Variants in FSTL5 observed in about 807,000 individuals in gnomAD.
FSTL5 encodes the protein follistatin-related protein 5.
Under a neutral mutation model 89.1 loss-of-function variants are expected in FSTL5, and 62 were observed. That is an observed-to-expected ratio of 0.70 (90% CI 0.57 to 0.86). The LOEUF (loss-of-function observed/expected upper bound fraction) is 0.86, where lower values mean the gene tolerates loss of function less well. FSTL5 is among the 40% of genes least tolerant of loss of function. The pLI, the probability that FSTL5 is intolerant of heterozygous loss-of-function variation, is 0.00. For synonymous variants in FSTL5, 383 were observed against 346.2 expected (o/e 1.11, Z -1.18); for missense variants, 1,057 against 1,001.6 (o/e 1.06, Z -0.75).
At chr4:161,478,357 ATATTT>A (rs1426016427) in intron 13 of FSTL5, among the ~76,000 whole-genome samples, 1 of 152,162 alleles carries the variant, frequency 6.6e-6, no homozygotes, top group Non-Finnish European at 1.5e-5. Flanking sequence ...TTTGTTCATA[ATATTT>A]TAATCAACCA....
At chr4:162,145,328 T>C (rs1019861111) in intron 1 of FSTL5, among the ~76,000 whole-genome samples, 5 of 152,094 alleles carry the variant, frequency 3.3e-5, no homozygotes, top group African/African-American at 1.2e-4. Context: ...ATGTTACTGA[T>C]AGGTATGATA....
intron 15 of FSTL5, among the ~76,000 whole-genome samples, chr4:161,437,309 G>A (rs1037250362): frequency 3.9e-5 from 6 of 152,086 alleles, no homozygotes; most frequent in Non-Finnish European, 8.8e-5. Context: ...GCTCACGCCT[G>A]TAATCCCAGC....
chr4:161,643,560 C>G (rs996674241), intron 7 of FSTL5, among the ~76,000 whole-genome samples: 1 of 151,640 alleles, frequency 6.6e-6, no homozygotes, highest in Admixed American at 6.6e-5. Flanking sequence ...TAGCTGAATG[C>G]CTAGAAAAAC....
At chr4:161,502,445 T>C (rs17041122) in intron 11 of FSTL5, among the ~76,000 whole-genome samples, 14,218 of 151,946 alleles carry the variant, frequency 0.094, 898 homozygotes, top group South Asian at 0.2. Context: ...ATATTATTAG[T>C]CAAGATTTAG....
At chr4:161,793,041 A>T (rs1191054003) in intron 4 of FSTL5, among the ~76,000 whole-genome samples, 1 of 152,218 alleles carries the variant, frequency 6.6e-6, no homozygotes, top group African/African-American at 2.4e-5. Context: ...GCTTCTGGGC[A>T]CTATGGCATT....
chr4:161,517,646 T>C (rs1357416257), intron 10 of FSTL5, among the ~76,000 whole-genome samples: 2 of 152,188 alleles, frequency 1.3e-5, no homozygotes, highest in Non-Finnish European at 2.9e-5. Context: ...ATAAGGTAGT[T>C]ACCTACATAA....
intron 13 of FSTL5, among the ~76,000 whole-genome samples, chr4:161,464,787 G>T (rs1028528192): frequency 6.6e-6 from 1 of 152,040 alleles, no homozygotes; most frequent in South Asian, 2.1e-4. Context: ...GATCATTATT[G>T]TTATTATTTA....
intron 3 of FSTL5, among the ~76,000 whole-genome samples, chr4:161,964,719 A>C (rs1039093401): frequency 6.6e-6 from 1 of 152,056 alleles, no homozygotes; most frequent in Non-Finnish European, 1.5e-5. Context: ...TATAAATATT[A>C]ATAGTTTCCT....
intron 3 of FSTL5, among the ~76,000 whole-genome samples, chr4:161,980,059 A>G (rs368046294): frequency 1.5e-5 from 2 of 136,050 alleles, no homozygotes; most frequent in African/African-American, 2.7e-5. Flanking sequence ...AAGAAAGAGA[A>G]AAAGAGAAAG....
chr4:161,961,706 AG>A (rs1380142212), intron 3 of FSTL5, among the ~76,000 whole-genome samples: 1 of 151,894 alleles, frequency 6.6e-6, no homozygotes, highest in East Asian at 1.9e-4. Flanking sequence ...TAGAAAAAAA[AG>A]AACAATATCA....
chr4:161,769,682 A>G (rs141450335), intron 5 of FSTL5, among the ~76,000 whole-genome samples: 123 of 152,074 alleles, frequency 8.1e-4, no homozygotes, highest in Middle Eastern at 3.4e-3. Flanking sequence ...GAAGAAATAT[A>G]CAACAAACCC....
At chr4:162,083,213 A>T (rs1483068714) in intron 2 of FSTL5, among the ~76,000 whole-genome samples, 1 of 151,824 alleles carries the variant, frequency 6.6e-6, no homozygotes, top group African/African-American at 2.4e-5. Flanking sequence ...ACATAGTTTT[A>T]TTGGAAACAT....
chr4:161,812,907 A>AAAAAAAT (rs1730203677), intron 4 of FSTL5, among the ~76,000 whole-genome samples: 1 of 138,254 alleles, frequency 7.2e-6, no homozygotes, highest in Non-Finnish European at 1.6e-5. Context: ...AAAAAAAAAA[A>AAAAAAAT]GATTACGTTT....
At chr4:161,812,927 A>G (rs1477014729) in intron 4 of FSTL5, among the ~76,000 whole-genome samples, 1 of 146,510 alleles carries the variant, frequency 6.8e-6, no homozygotes, top group Non-Finnish European at 1.5e-5. Context: ...TTAGAAGAAT[A>G]AGAGCCAGTA....
intron 15 of FSTL5, among the ~76,000 whole-genome samples, chr4:161,390,925 T>C (rs1730801395): frequency 6.6e-6 from 1 of 152,130 alleles, no homozygotes; most frequent in Non-Finnish European, 1.5e-5. Context: ...AAGGACCAAA[T>C]GCTTCCTCTC....
At chr4:162,073,383 C>G (rs1467670409) in intron 2 of FSTL5, among the ~76,000 whole-genome samples, 1 of 151,428 alleles carries the variant, frequency 6.6e-6, no homozygotes, top group Non-Finnish European at 1.5e-5. Flanking sequence ...AATAAATTAT[C>G]TGATTGATAA....
At chr4:161,573,733 CAAAAAAAAAAAAA>C (rs70937664) in intron 8 of FSTL5, among the ~76,000 whole-genome samples, 29 of 50,630 alleles carry the variant, frequency 5.7e-4, no homozygotes, top group African/African-American at 2.3e-3. Flanking sequence ...AACTCCAGCT[CAAAAAAAAAAAAA>C]AAAAAAAAAA....
chr4:162,038,096 A>G (rs1333519009), intron 2 of FSTL5, among the ~76,000 whole-genome samples: 1 of 151,978 alleles, frequency 6.6e-6, no homozygotes, highest in East Asian at 1.9e-4. Flanking sequence ...GGTCTTGTCC[A>G]TAATAGCAGA....
At chr4:161,818,203 A>G (rs1730386939) in intron 4 of FSTL5, among the ~76,000 whole-genome samples, 1 of 152,190 alleles carries the variant, frequency 6.6e-6, no homozygotes. Flanking sequence ...TAGAAGCAGT[A>G]GATACGGAGT....
Sources: gnomAD v4.1 joint callset for allele counts (sites outside exome capture counted in the v4.1 genomes callset) on GRCh38, gnomAD v4.1.1 for gene constraint, MANE v1.5 for transcripts, NCBI Gene and HGNC (gene_info 2026-07-23, HGNC 2026-07-21) for gene names.